The following ACTR1B variants were observed in gnomAD, a reference collection of about 807,000 sequenced individuals.
ACTR1B encodes actin related protein 1B.
In ACTR1B, 34 loss-of-function variants were observed where a neutral mutation model predicts 49.4. The ratio of observed to expected loss-of-function variants is 0.69; its 90% CI spans 0.52 to 0.92. ACTR1B has a LOEUF of 0.92. Ranked by LOEUF, ACTR1B falls within the 40% of genes least tolerant of loss-of-function variation. The pLI is 0.00. For missense variants in ACTR1B, 471 were observed against 522.4 expected, an observed-to-expected ratio of 0.90 and a Z score of 0.96; for synonymous variants, 207 against 207.8, an observed-to-expected ratio of 1.00 and a Z score of 0.03.
rs770889575 is a variant in ACTR1B at position 97,660,629 on chromosome 2, T to G, written c.131A>C (p.His44Pro). The change falls in exon 3 of 11, where the codon CAC becomes CCC. Residue 44 changes from histidine (H) to proline (P), a missense_variant. Physicochemically the swap from His to Pro is moderately conservative, Grantham distance 77. Transcript: ENST00000289228. ...CFPNYVGRPK[H>P]MRVMAGALEG... ...CAGGGCTCCAGCCATCACCCGCATG[T>G]GCTTCGGCCGCCCGACACTGTTAGG... 3.1e-6 allele frequency: 5 copies of G among 1,614,092 alleles called. No individual in the cohort carries two copies. Among genetic ancestry groups the G allele is most frequent in the Non-Finnish European group, 4.2e-6 (5 of 1,180,028 alleles).
At chr2:97,660,477 C>G in intron 3 of ACTR1B, 94 bp downstream of exon 3, 1 of 1,280,728 alleles carries the variant, frequency 7.8e-7, no homozygotes, top group South Asian at 1.3e-5. Flanking sequence ...GGAGGAGGTA[C>G]CCGGGAGGTC....
chr2:97,660,288 C>T (rs1056600799), intron 3 of ACTR1B, among the ~76,000 whole-genome samples: 3 of 152,244 alleles, frequency 2.0e-5, no homozygotes, highest in East Asian at 1.9e-4. Flanking sequence ...TTAGAGCAGA[C>T]GTGAAGTGTG....
In ACTR1B at chr2:97,655,946, G is replaced by C. The variant is rs993242242; in HGVS notation, c.*912C>G. 1 of 152,262 alleles carries C rather than the reference G, an allele frequency of 6.6e-6. No homozygotes were observed. Among genetic ancestry groups the C allele is most frequent in the East Asian group, 1.9e-4 (1 of 5,200 alleles). The allele number at this position is 152,262 out of a possible 1,614,324, so 9.4% of individuals were successfully genotyped here. On this transcript the variant is annotated 3_prime_UTR_variant, in exon 11 of 11. Coordinates refer to ENST00000289228, the MANE Select transcript of ACTR1B (RefSeq NM_005735.4). ...CAAACGATAGCACAGAGAGCCACAA[G>C]AAAACAGAGCCACACACTGGGCCTT...
At chr2:97,663,131 A>C (rs1559291278) in intron 1 of ACTR1B, among the ~76,000 whole-genome samples, 1 of 152,192 alleles carries the variant, frequency 6.6e-6, no homozygotes, top group African/African-American at 2.4e-5. Flanking sequence ...AATCTTCCTA[A>C]GGCAGGTGAA....
chr2:97,659,091 G>C lies in ACTR1B; in HGVS notation c.316-88C>G. On this transcript the variant is annotated intron_variant, in intron 4 of 10. Coordinates refer to ENST00000289228, the MANE Select transcript of ACTR1B (RefSeq NM_005735.4). This position sits in a 1 kb window ranked among gnomAD's most constrained non-coding sequence, Gnocchi z 4.0. ...TTTCCAGAGAACCACACCCGCTGGC[G>C]CACAGGCAGCTCAGCCTCCTACCCC... The C allele has an allele frequency of 6.3e-7, 1 of 1,584,116 alleles. No individual in the cohort carries two copies. Among genetic ancestry groups the C allele is most frequent in the Non-Finnish European group, 8.6e-7 (1 of 1,159,888 alleles).
Position 97,656,688 on chromosome 2 carries a change from T to C in ACTR1B, c.*170A>G. 1.6e-6 allele frequency: 1 copy of C among 616,102 alleles called. No individual in the cohort carries two copies. Among genetic ancestry groups the C allele is most frequent in the Non-Finnish European group, 2.9e-6 (1 of 346,046 alleles). The allele number at this position is 616,102 out of a possible 1,614,324, so 38.2% of individuals were successfully genotyped here. On this transcript the variant is annotated 3_prime_UTR_variant, in exon 11 of 11. Coordinates refer to ENST00000289228, the MANE Select transcript of ACTR1B (RefSeq NM_005735.4). ...CAGCTCAATGTTACTTGTGTGTGCA[T>C]GTCCTGTGTAGAGGGGAAGGCTGCA... is the stretch of plus-strand genomic sequence containing the variant.
Position 97,659,724 on chromosome 2 carries a change from G to C in ACTR1B, c.190-247C>G. On this transcript the variant is annotated intron_variant, in intron 3 of 10. Transcript: ENST00000289228. The surrounding 1 kb of genome is among the most constrained non-coding windows in gnomAD (Gnocchi z 4.0). The stretch of plus-strand genomic sequence containing the variant: ...GCTGGGGGGATCAGAGAGGGTGGCA[G>C]TGTGCCCCGCAATCTGCAGGCTCTC... 1 of 567,660 alleles carries C rather than the reference G, an allele frequency of 1.8e-6. No homozygotes were observed. The highest frequency in any genetic ancestry group is 2.1e-5 in the South Asian group (1 of 46,870). The allele number at this position is 567,660 out of a possible 1,614,324, so 35.2% of individuals were successfully genotyped here.
rs752382138 is a variant in ACTR1B at position 97,657,484 on chromosome 2, T to C, written c.951A>G (p.Glu317=). 6.2e-7 allele frequency: 1 copy of C among 1,614,234 alleles called. No individual in the cohort carries two copies. Among genetic ancestry groups the C allele is most frequent in the South Asian group, 1.1e-5 (1 of 91,086 alleles). The change falls in exon 9 of 11, where the codon GAA becomes GAG. Residue 317 remains glutamate, a synonymous_variant. Transcript: ENST00000289228. ...TATCCTTTGGGGCAAGCTTCTTCAC[T>C]TCACTGAGTAATCGGTCTCCGAAGC... ...FKGFGDRLLS[E]VKKLAPKDIK...
rs763251803 is a variant in ACTR1B, at chr2:97,657,144, C to T, written c.1028+8G>A. On this transcript the variant is annotated splice_region_variant and intron_variant, in intron 10 of 10. Transcript: ENST00000289228. ...CCTCCCAGAGCCCTCCCTTGAGCCC[C>T]GCCTCACCCAATCCATGTGGAGTAC... is the stretch of plus-strand genomic sequence containing the variant. The T allele has an allele frequency of 9.3e-6, 15 of 1,612,768 alleles. No homozygotes were observed. The highest frequency in any genetic ancestry group is 2.2e-5 in the East Asian group (1 of 44,882).
At chr2:97,663,724 G>C in intron 1 of ACTR1B, 119 bp downstream of exon 1, 1 of 472,936 alleles carries the variant, frequency 2.1e-6, no homozygotes, top group Non-Finnish European at 3.0e-6. Flanking sequence ...GGCCCGGCGG[G>C]GGCGACGGCC....
At position 97,656,975 on chromosome 2, in the gene ACTR1B, G is replaced by A; in HGVS notation, c.1029-15C>T. ...GGATGGAGCCGCTGTGGGGATGGAG[G>A]GATAGTATTGCTGTGGACCTGTCAG... On this transcript the variant is annotated splice_polypyrimidine_tract_variant and intron_variant, in intron 10 of 10. Transcript: ENST00000289228. 6.3e-7 allele frequency: 1 copy of A among 1,587,090 alleles called. No homozygotes were observed. The highest frequency in any genetic ancestry group is 1.3e-5 in the African/African-American group (1 of 74,510).
rs2104495129 is a variant in ACTR1B, at chr2:97,656,766, T to G, written c.*92A>C. On this transcript the variant is annotated 3_prime_UTR_variant, in exon 11 of 11. Coordinates refer to ENST00000289228, the MANE Select transcript of ACTR1B (RefSeq NM_005735.4). ...GGGGTTCAGGGCATGCAGGGGACCC[T>G]AAGCCTAGTATACGAGCCAAGACCA... is the stretch of plus-strand genomic sequence containing the variant. 2.7e-6 allele frequency: 3 copies of G among 1,093,330 alleles called. No individual in the cohort carries two copies. Among genetic ancestry groups the G allele is most frequent in the East Asian group, 2.6e-5 (1 of 38,812 alleles). 67.7% of individuals were successfully genotyped at this position (1,093,330 alleles called of 1,614,324 possible).
Position 97,658,409 on chromosome 2 carries a change from C to G in ACTR1B, c.657+18G>C. 1 of 1,613,864 alleles carries G rather than the reference C, an allele frequency of 6.2e-7. No individual in the cohort carries two copies. Among genetic ancestry groups the G allele is most frequent in the South Asian group, 1.1e-5 (1 of 91,040 alleles). Reference sequence around the variant, plus strand: ...TCCTCACCCCAGGTCGTGTCCACACCCTCTCGCCCCTTGTCACCTCTTTGA... The same window carrying G: ...TCCTCACCCCAGGTCGTGTCCACACGCTCTCGCCCCTTGTCACCTCTTTGA... On this transcript the variant is annotated intron_variant, in intron 6 of 10. Transcript: ENST00000289228. The surrounding 1 kb of genome is among the most constrained non-coding windows in gnomAD (Gnocchi z 5.9).
chr2:97,660,686 A>G (rs1674988755), intron 2 of ACTR1B, 40 bp from the exon 3 acceptor site: 1 of 1,593,234 alleles, frequency 6.3e-7, no homozygotes, highest in Non-Finnish European at 8.6e-7. Context: ...GGCAGGGAGC[A>G]TGGCAGAGCT....
intron 1 of ACTR1B, among the ~76,000 whole-genome samples, chr2:97,662,159 G>A (rs527855051): frequency 6.6e-6 from 1 of 152,190 alleles, no homozygotes; most frequent in East Asian, 1.9e-4. Context: ...GGCAGCTGGG[G>A]AGAGGGGACA....
intron 1 of ACTR1B, among the ~76,000 whole-genome samples, chr2:97,662,233 G>A (rs1338617639): frequency 3.3e-5 from 5 of 152,100 alleles, no homozygotes; most frequent in African/African-American, 4.8e-5. Flanking sequence ...AACATCCTAC[G>A]ATGCACAGGC....
At position 97,657,945 on chromosome 2, in the gene ACTR1B, T is replaced by G; in HGVS notation, c.923A>C (p.Lys308Thr). The G allele has an allele frequency of 6.2e-7, 1 of 1,613,930 alleles. No homozygotes were observed. The highest frequency in any genetic ancestry group is 8.5e-7 in the Non-Finnish European group (1 of 1,179,900). ...CACCAACTCTCAAGCCACAGTACCT[T>G]TGAAAAGCGTTGAGCCACCTGAGAG... Reference protein sequence around the residue: ...IVLSGGSTLFKGFGDRLLSEV... With the variant: ...IVLSGGSTLFTGFGDRLLSEV... The change falls in exon 8 of 11, where the codon AAA (lysine) becomes ACA (threonine). Residue 308 changes from lysine (K) to threonine (T), a missense_variant and splice_region_variant. Transcript: ENST00000289228.
chr2:97,658,353 C>T lies in ACTR1B; in HGVS notation c.658-37G>A, dbSNP rs745504508. 5 of 1,613,902 alleles carry T rather than the reference C, an allele frequency of 3.1e-6. No individual in the cohort carries two copies. The South Asian group carries it at 3.3e-5, about 11-fold the overall frequency. On this transcript the variant is annotated intron_variant, in intron 6 of 10. Coordinates refer to ENST00000289228, the MANE Select transcript of ACTR1B (RefSeq NM_005735.4). The surrounding 1 kb of genome is among the most constrained non-coding windows in gnomAD (Gnocchi z 5.9). ...GGGACACAGCCCTCAGAAGGCTGCA[C>T]CTGGGACACCTGTGCCTTGGTGCCA...
rs1023864541 is a variant in ACTR1B at position 97,659,339 on chromosome 2, G to A, written c.315+13C>T. On this transcript the variant is annotated intron_variant, in intron 4 of 10. Coordinates refer to ENST00000289228, the MANE Select transcript of ACTR1B (RefSeq NM_005735.4). The surrounding 1 kb of genome is among the most constrained non-coding windows in gnomAD (Gnocchi z 4.0). ...GGAGAATGCAGAGCATGCAGGAGGG[G>A]CAGCCGCCACACCTCCTCCGAGAAG... is the stretch of plus-strand genomic sequence containing the variant. 4.3e-6 allele frequency: 7 copies of A among 1,613,550 alleles called. No individual in the cohort carries two copies. The Admixed American group carries it at 6.7e-5, about 15-fold the overall frequency.
Sources: allele counts gnomAD v4.1 joint callset (sites outside exome capture counted in the v4.1 genomes callset), GRCh38; gene constraint gnomAD v4.1.1; non-coding constraint Gnocchi (gnomAD v3.1); transcripts MANE v1.5; gene names NCBI Gene and HGNC (gene_info 2026-07-23, HGNC 2026-07-21).